The following LEF1 variants were observed in gnomAD, a reference collection of about 807,000 sequenced individuals.
LEF1 encodes the protein lymphoid enhancer binding factor 1.
In LEF1, 14 loss-of-function variants were observed where a neutral mutation model predicts 51.2. The ratio of observed to expected loss-of-function variants is 0.27; its 90% CI spans 0.18 to 0.43. The LOEUF (loss-of-function observed/expected upper bound fraction) is 0.43. LEF1 is among the 20% of genes least tolerant of loss of function. The probability of loss-of-function intolerance (pLI) is 1.00; values close to 1 mark genes in which losing one functional copy is unlikely to be tolerated. For missense variants in LEF1, 386 were observed against 512.0 expected, an observed-to-expected ratio of 0.75 and a Z score of 2.37; for synonymous variants, 185 against 183.2, an observed-to-expected ratio of 1.01 and a Z score of -0.08.
intron 3 of LEF1, among the ~76,000 whole-genome samples, chr4:108,103,476 C>T (rs548230807): frequency 3.9e-5 from 6 of 152,300 alleles, no homozygotes; most frequent in East Asian, 3.9e-4. Flanking sequence ...TTCCAGTTTA[C>T]GCTACAAATT....
chr4:108,078,423 A>C (rs773411230), intron 7 of LEF1, 41 bp from the exon 8 acceptor site: 2 of 1,613,356 alleles, frequency 1.2e-6, no homozygotes, highest in African/African-American at 2.7e-5. Context: ...AAGGGGTTGA[A>C]GGAATGAGGA....
chr4:108,130,631 G>T (rs944226081), intron 3 of LEF1, among the ~76,000 whole-genome samples: 1 of 151,268 alleles, frequency 6.6e-6, no homozygotes. Context: ...TAGGGAGGCT[G>T]AGGTGGGAGA....
chr4:108,124,247 C>T (rs1209566781), intron 3 of LEF1, among the ~76,000 whole-genome samples: 1 of 152,094 alleles, frequency 6.6e-6, no homozygotes, highest in Non-Finnish European at 1.5e-5. Flanking sequence ...ATGAAACCCA[C>T]AAAGCCAGAT....
intron 1 of LEF1, chr4:108,166,824 C>T: frequency 1.0e-6 from 1 of 985,776 alleles, no homozygotes; most frequent in Non-Finnish European, 1.2e-6. Flanking sequence ...CAAGTGATGG[C>T]GGTTGGAGAA....
chr4:108,082,015 T>C (rs1407825755), intron 5 of LEF1, among the ~76,000 whole-genome samples: 1 of 152,204 alleles, frequency 6.6e-6, no homozygotes. Context: ...TAGTGAAATA[T>C]TCCCTTCAGA....
chr4:108,089,408 AGAATTTTTCT>A, intron 3 of LEF1, 151 bp from the exon 4 acceptor site: 1 of 755,936 alleles, frequency 1.3e-6, no homozygotes, highest in Non-Finnish European at 2.0e-6. Flanking sequence ...TGTCTCTTTT[AGAATTTTTCT>A]GAATTTTTCC....
chr4:108,112,447 G>C (rs534379100), intron 3 of LEF1, among the ~76,000 whole-genome samples: 1 of 152,302 alleles, frequency 6.6e-6, no homozygotes, highest in African/African-American at 2.4e-5. Context: ...CCCACCCATG[G>C]GCACACAGCC....
At chr4:108,166,866 T>C in intron 1 of LEF1, 1 of 965,588 alleles carries the variant, frequency 1.0e-6, no homozygotes, top group Non-Finnish European at 1.2e-6. Flanking sequence ...AGCCAGGGTG[T>C]ACCCTTGCGG....
At chr4:108,115,840 A>AACACACACACAC (rs1470691059) in intron 3 of LEF1, among the ~76,000 whole-genome samples, 1 of 81,062 alleles carries the variant, frequency 1.2e-5, no homozygotes, top group Admixed American at 1.1e-4. Context: ...CCTATAATGT[A>AACACACACACAC]ACACATACAC....
rs1346549687 is a variant in LEF1, at chr4:108,081,622, T to C, written c.686A>G (p.Tyr229Cys). The C allele has an allele frequency of 6.2e-7, 1 of 1,614,066 alleles. No homozygotes were observed. Among genetic ancestry groups the C allele is most frequent in the Admixed American group, 1.7e-5 (1 of 60,016 alleles). ...AGTGTCGACTGACAGTGAGGATGGG[T>C]AGGGTTGCCTGAATCCACCCGTGAT... ...YPITGGFRQP[Y>C]PSSLSVDTSM... The change falls in exon 6 of 12, where the codon TAC (tyrosine) becomes TGC (cysteine). Residue 229 changes from tyrosine (Y) to cysteine (C), a missense_variant. Transcript: ENST00000265165.
At chr4:108,159,622 T>C (rs992549332) in intron 3 of LEF1, among the ~76,000 whole-genome samples, 4 of 152,214 alleles carry the variant, frequency 2.6e-5, no homozygotes, top group African/African-American at 9.6e-5. Flanking sequence ...AAGTCCAACT[T>C]AGTTCCTTAA....
intron 9 of LEF1, among the ~76,000 whole-genome samples, chr4:108,065,101 A>T (rs1186157813): frequency 6.6e-6 from 1 of 152,206 alleles, no homozygotes; most frequent in Non-Finnish European, 1.5e-5. Context: ...TTTTAAATAC[A>T]TTTCAAAACA....
chr4:108,070,022 A>G (rs116303326), intron 9 of LEF1, among the ~76,000 whole-genome samples: 1,590 of 152,028 alleles, frequency 0.01, 9 homozygotes, highest in African/African-American at 0.016. Context: ...CAATGAATCT[A>G]TTCAACATAA....
At chr4:108,134,785 G>A (rs1743146053) in intron 3 of LEF1, among the ~76,000 whole-genome samples, 1 of 152,194 alleles carries the variant, frequency 6.6e-6, no homozygotes, top group Non-Finnish European at 1.5e-5. Context: ...AATGGCTCAA[G>A]GTCACATAGC....
At chr4:108,163,022 C>T (rs985483991) in intron 3 of LEF1, among the ~76,000 whole-genome samples, 4 of 152,040 alleles carry the variant, frequency 2.6e-5, no homozygotes, top group African/African-American at 9.7e-5. Context: ...TTAGGGTTAT[C>T]TTTGAGTGAT....
chr4:108,105,731 C>T (rs1741121591), intron 3 of LEF1, among the ~76,000 whole-genome samples: 1 of 152,066 alleles, frequency 6.6e-6, no homozygotes, highest in African/African-American at 2.4e-5. Context: ...GATATGATCC[C>T]ATCTCTCCCA....
rs1196415627 is a variant in LEF1 at position 108,078,280 on chromosome 4, A to G, written c.948T>C (p.Asn316=). 6.2e-7 allele frequency: 1 copy of G among 1,614,176 alleles called. No individual in the cohort carries two copies. Among genetic ancestry groups the G allele is most frequent in the South Asian group, 1.1e-5 (1 of 91,078 alleles). ...FMLYMKEMRA[N]VVAECTLKES... The stretch of plus-strand genomic sequence containing the variant: ...CTTTTAGAGTACACTCAGCAACGAC[A>G]TTCGCTCTCATTTCTTTCATGTATA... Residue 316 remains asparagine (N), a synonymous_variant, in exon 8 of 12, where the codon AAT becomes AAC. Coordinates refer to ENST00000265165, the MANE Select transcript of LEF1 (RefSeq NM_016269.5).
intron 1 of LEF1, chr4:108,166,712 C>A (rs959691546): frequency 2.0e-6 from 2 of 992,554 alleles, no homozygotes; most frequent in Non-Finnish European, 2.4e-6. Context: ...TTCCACCCTG[C>A]AGGACTAGTG....
intron 3 of LEF1, among the ~76,000 whole-genome samples, chr4:108,157,179 T>C (rs10033772): frequency 0.3 from 34,397 of 116,522 alleles, 5,340 homozygotes; most frequent in South Asian, 0.37. Context: ...TATATATATA[T>C]ACACACACAC....
Sources: allele counts gnomAD v4.1 joint callset (sites outside exome capture counted in the v4.1 genomes callset), GRCh38; gene constraint gnomAD v4.1.1; transcripts MANE v1.5; gene names NCBI Gene and HGNC (gene_info 2026-07-23, HGNC 2026-07-21).